Variants in UST observed in about 807,000 individuals in gnomAD.
UST encodes the protein uronyl 2-sulfotransferase.
Under a neutral mutation model 45.6 loss-of-function variants are expected in UST, and 21 were observed. The observed-to-expected ratio is 0.46, with a 90% CI of 0.33 to 0.66. The LOEUF is 0.66. Ranked by LOEUF, UST falls within the 30% of genes least tolerant of loss-of-function variation. The pLI is 0.02. For synonymous variants in UST, 215 were observed against 200.6 expected (o/e 1.07, Z -0.61); for missense variants, 463 against 512.4 (o/e 0.90, Z 0.93).
At chr6:148,936,239 C>G (rs1211749251) in intron 2 of UST, among the ~76,000 whole-genome samples, 2 of 152,096 alleles carry the variant, frequency 1.3e-5, no homozygotes, top group Non-Finnish European at 2.9e-5. Flanking sequence ...CCAAATCAAA[C>G]ACAGATTGGG....
At chr6:149,048,946 T>G (rs1439500693) in intron 7 of UST, among the ~76,000 whole-genome samples, 3 of 152,106 alleles carry the variant, frequency 2.0e-5, no homozygotes, top group African/African-American at 7.2e-5. Context: ...ACCCCTGGGG[T>G]AAAGAGCAAG....
intron 3 of UST, among the ~76,000 whole-genome samples, chr6:148,949,145 G>T (rs996389637): frequency 3.3e-5 from 5 of 151,938 alleles, no homozygotes; most frequent in Admixed American, 6.6e-5. Flanking sequence ...ACAAAAATTA[G>T]CTGGGCGTGG....
intron 5 of UST, among the ~76,000 whole-genome samples, chr6:149,002,593 G>A (rs531316510): frequency 1.2e-4 from 19 of 152,166 alleles, no homozygotes; most frequent in African/African-American, 2.6e-4. Context: ...TGCAACCTCC[G>A]CCTCCCGGGT....
chr6:148,803,364 C>A (rs553620925), intron 1 of UST, among the ~76,000 whole-genome samples: 1 of 152,288 alleles, frequency 6.6e-6, no homozygotes, highest in African/African-American at 2.4e-5. Context: ...TGGTTCTCCT[C>A]CATGTTGGCC....
intron 2 of UST, among the ~76,000 whole-genome samples, chr6:148,897,947 TG>T (rs1779168212): frequency 6.6e-6 from 1 of 152,202 alleles, no homozygotes; most frequent in Non-Finnish European, 1.5e-5. Flanking sequence ...CCTGCCATTT[TG>T]TTTTTTCCTA....
At chr6:149,033,825 G>T (rs1195724477) in intron 7 of UST, among the ~76,000 whole-genome samples, 1 of 152,148 alleles carries the variant, frequency 6.6e-6, no homozygotes, top group African/African-American at 2.4e-5. Context: ...ATTAAGTAAT[G>T]CATGTATATA....
At chr6:149,006,747 G>C (rs530663424) in intron 5 of UST, among the ~76,000 whole-genome samples, 1 of 152,084 alleles carries the variant, frequency 6.6e-6, no homozygotes. Flanking sequence ...CCACAGCCTC[G>C]CCAGCAACTG....
chr6:148,833,262 C>T lies in UST; in HGVS notation c.248-53724C>T, dbSNP rs140896152. ...CAGCACTTTGTGAGGCCAGGGCGGA[C>T]GGATTGCTCGAGTTCGGGAGTTGGA... is the stretch of plus-strand genomic sequence containing the variant. On this transcript the variant is annotated intron_variant, in intron 1 of 7. Transcript: ENST00000367463. Among the ~76,000 whole-genome samples the T allele has an allele frequency of 3.7e-3, 559 of 152,242 alleles. 3 individuals carry two copies. The highest frequency in any genetic ancestry group is 0.013 in the African/African-American group (538 of 41,530).
At chr6:148,881,720 T>C (rs1167001472) in intron 1 of UST, among the ~76,000 whole-genome samples, 3 of 152,110 alleles carry the variant, frequency 2.0e-5, no homozygotes, top group Non-Finnish European at 4.4e-5. Context: ...ACACCCACCA[T>C]CGACTCCTTG....
intron 1 of UST, among the ~76,000 whole-genome samples, chr6:148,862,206 G>A (rs1170787207): frequency 6.6e-6 from 1 of 152,190 alleles, no homozygotes; most frequent in Non-Finnish European, 1.5e-5. Context: ...ATATATTTAG[G>A]ATAGTTAGCT....
At chr6:148,867,222 C>T (rs1444630250) in intron 1 of UST, among the ~76,000 whole-genome samples, 6 of 151,650 alleles carry the variant, frequency 4.0e-5, no homozygotes, top group African/African-American at 1.5e-4. Context: ...GAGAAAAACC[C>T]AGTTTGCATT....
intron 1 of UST, among the ~76,000 whole-genome samples, chr6:148,872,731 T>C (rs969138647): frequency 6.6e-6 from 1 of 152,150 alleles, no homozygotes; most frequent in Admixed American, 6.5e-5. Flanking sequence ...CAAGAATTTG[T>C]TTTCTTGCCT....
chr6:149,060,270 A>C (rs992684911), intron 7 of UST, among the ~76,000 whole-genome samples: 1 of 151,992 alleles, frequency 6.6e-6, no homozygotes, highest in African/African-American at 2.4e-5. Flanking sequence ...TACTTTATCA[A>C]CCCTCAGCAC....
intron 1 of UST, among the ~76,000 whole-genome samples, chr6:148,856,268 G>A (rs559089506): frequency 2.6e-5 from 4 of 152,086 alleles, no homozygotes; most frequent in East Asian, 3.9e-4. Context: ...CACCTGCCTC[G>A]GCCTCCCAAA....
At position 148,991,113 on chromosome 6, in the gene UST, G is replaced by A. The variant is rs1358227917; in HGVS notation, c.681+26550G>A. 3.9e-5 allele frequency among the ~76,000 whole-genome samples: 6 copies of A among 152,216 alleles called. No homozygotes were observed. The South Asian group carries it at 8.3e-4, about 21-fold the overall frequency. On this transcript the variant is annotated intron_variant, in intron 5 of 7. Transcript: ENST00000367463. ...AAATAAGAGGACAATGAGTAACTGC[G>A]GATGCTATTTATGTCAAGAATCAAA...
intron 1 of UST, among the ~76,000 whole-genome samples, chr6:148,876,764 TTTG>T (rs776491311): frequency 2.9e-4 from 44 of 151,822 alleles, no homozygotes; most frequent in Non-Finnish European, 5.3e-4. Flanking sequence ...TTTTGTTGTT[TTTG>T]TTGTTGTTGT....
At chr6:148,954,089 A>T in intron 4 of UST, 138 bp downstream of exon 4, 1 of 530,584 alleles carries the variant, frequency 1.9e-6, no homozygotes, top group South Asian at 4.1e-5. Context: ...CTACGGAGGG[A>T]TCAAAATTTG....
chr6:148,795,334 G>A (rs951418355), intron 1 of UST, among the ~76,000 whole-genome samples: 1 of 152,130 alleles, frequency 6.6e-6, no homozygotes, highest in African/African-American at 2.4e-5. Flanking sequence ...GTGCCCTGAC[G>A]GTGAGAGGCC....
chr6:149,017,799 T>TATATATATATATATACAC (rs956279478), intron 5 of UST, among the ~76,000 whole-genome samples: 26 of 148,916 alleles, frequency 1.7e-4, no homozygotes, highest in African/African-American at 5.9e-4. Context: ...TATCCATATA[T>TATATATATATATATACAC]ACACACACAC....
Sources: gnomAD v4.1 joint callset for allele counts (sites outside exome capture counted in the v4.1 genomes callset) on GRCh38, gnomAD v4.1.1 for gene constraint, MANE v1.5 for transcripts, NCBI Gene and HGNC (gene_info 2026-07-23, HGNC 2026-07-21) for gene names.